The following VPS13C variants were observed in gnomAD, a reference collection of about 807,000 sequenced individuals.
VPS13C encodes intermembrane lipid transfer protein VPS13C.
Under a neutral mutation model 456.8 loss-of-function variants are expected in VPS13C, and 358 were observed. That is an observed-to-expected ratio of 0.78 (90% CI 0.72 to 0.86). The LOEUF (loss-of-function observed/expected upper bound fraction) is 0.86, where lower values mean the gene tolerates loss of function less well. Among genes scored for constraint, VPS13C ranks in the 40% least tolerant of loss-of-function variants. The probability of loss-of-function intolerance (pLI) is 0.00; values close to 1 mark genes in which losing one functional copy is unlikely to be tolerated. For missense variants in VPS13C, 4,818 were observed against 4,385.4 expected, an observed-to-expected ratio of 1.10 and a Z score of -2.79; for synonymous variants, 1,578 against 1,486.7, an observed-to-expected ratio of 1.06 and a Z score of -1.41.
intron 13 of VPS13C, 40 bp downstream of exon 13, chr15:62,010,432 C>T (rs201550111): frequency 3.3e-6 from 5 of 1,520,576 alleles, no homozygotes; most frequent in Middle Eastern, 3.5e-4. Context: ...AGTCAAGATT[C>T]AAGGCTAATC....
chr15:61,907,415 A>T (rs762520528), intron 65 of VPS13C, 25 bp from the exon 66 acceptor site: 2 of 1,610,834 alleles, frequency 1.2e-6, no homozygotes, highest in Admixed American at 3.4e-5. Context: ...ACAGAGAGAA[A>T]ATCAGAATAT....
intron 17 of VPS13C, among the ~76,000 whole-genome samples, chr15:61,991,343 A>T (rs34799195): frequency 6.6e-6 from 1 of 152,172 alleles, no homozygotes; most frequent in Non-Finnish European, 1.5e-5. Context: ...AGAATTCCCT[A>T]AGTATTTTAA....
chr15:61,949,452 C>A lies in VPS13C; in HGVS notation c.4750G>T (p.Val1584Phe), dbSNP rs762858260. Reference sequence around the variant, plus strand: ...ATTCAAAAATTATTACCAGCTTTGACAGCGATACTTCTGGACTCCCCCACA... The same window carrying A: ...ATTCAAAAATTATTACCAGCTTTGAAAGCGATACTTCTGGACTCCCCCACA... ...PLVGESRSIA[V>F]KAVSSNISQK... Residue 1584 changes from valine (V) to phenylalanine (F), a missense_variant, in exon 42 of 85, where the codon GTC becomes TTC. Transcript: ENST00000644861. 1 of 1,608,986 alleles carries A rather than the reference C, an allele frequency of 6.2e-7. No individual in the cohort carries two copies. The highest frequency in any genetic ancestry group is 1.3e-5 in the African/African-American group (1 of 74,528).
intron 66 of VPS13C, among the ~76,000 whole-genome samples, chr15:61,903,640 A>G (rs756438196): frequency 6.6e-6 from 1 of 152,326 alleles, no homozygotes; most frequent in South Asian, 2.1e-4. Flanking sequence ...TTATTCACAT[A>G]AACAGAGAAA....
chr15:62,010,785 G>T (rs79478904), intron 12 of VPS13C, among the ~76,000 whole-genome samples, 186 bp from the exon 13 acceptor site: 7 of 152,224 alleles, frequency 4.6e-5, no homozygotes. Flanking sequence ...TAATAAGCTC[G>T]ATGGTTAAAG....
chr15:61,895,993 T>G (rs2042798341), intron 66 of VPS13C, among the ~76,000 whole-genome samples: 1 of 152,152 alleles, frequency 6.6e-6, no homozygotes, highest in Non-Finnish European at 1.5e-5. Context: ...GATAAATATT[T>G]GAGATATGAA....
chr15:61,949,455 C>T lies in VPS13C; in HGVS notation c.4747G>A (p.Ala1583Thr), dbSNP rs112569341. ...CAAAAATTATTACCAGCTTTGACAG[C>T]GATACTTCTGGACTCCCCCACAAGT... Reference protein sequence around the residue: ...KPLVGESRSIAVKAVSSNISQ... With the variant: ...KPLVGESRSITVKAVSSNISQ... The change falls in exon 42 of 85, where the codon GCT becomes ACT. Residue 1583 changes from alanine to threonine, a missense_variant. Physicochemically the swap from Ala to Thr is moderately conservative, Grantham distance 58 (BLOSUM62 0). Coordinates refer to ENST00000644861, the MANE Select transcript of VPS13C (RefSeq NM_020821.3). 1.0e-4 allele frequency: 167 copies of T among 1,609,488 alleles called. No homozygotes were observed. The highest frequency in any genetic ancestry group is 1.5e-4 in the African/African-American group (11 of 74,618).
In VPS13C at chr15:61,894,207, C is replaced by T. The variant is rs548168485; in HGVS notation, c.9106-3807G>A. 8.6e-5 allele frequency among the ~76,000 whole-genome samples: 13 copies of T among 151,962 alleles called. No individual in the cohort carries two copies. In the South Asian group the frequency reaches 2.7e-3, roughly 32 times the overall value. On this transcript the variant is annotated intron_variant, in intron 66 of 84. Coordinates refer to ENST00000644861, the MANE Select transcript of VPS13C (RefSeq NM_020821.3). The stretch of plus-strand genomic sequence containing the variant: ...CCTGTAATCCCAGCTACTAGGGAGG[C>T]TGAGGCAGGGGAATTGCTTGAACCA...
chr15:61,983,429 A>G (rs573976587), intron 20 of VPS13C, among the ~76,000 whole-genome samples: 134 of 152,354 alleles, frequency 8.8e-4, no homozygotes, highest in African/African-American at 3.0e-3. Context: ...AATATTTAAA[A>G]TTATTTTAAT....
At chr15:62,016,267 A>T (rs1223668651) in intron 9 of VPS13C, among the ~76,000 whole-genome samples, 4 of 150,124 alleles carry the variant, frequency 2.7e-5, no homozygotes, top group East Asian at 2.0e-4. Flanking sequence ...ACTTTATTTT[A>T]TATATATATA....
intron 80 of VPS13C, 68 bp downstream of exon 80, chr15:61,869,432 T>C: frequency 6.5e-7 from 1 of 1,545,022 alleles, no homozygotes; most frequent in South Asian, 1.2e-5. Flanking sequence ...TAATCTAATC[T>C]ATTTATGTAT....
Position 61,858,356 on chromosome 15 carries a change from ATCTATCTG to A in VPS13C, c.10953-1955_10953-1948del, listed in dbSNP as rs1355227197. ...TATCTATCTATCTATCTATCTATCTATCTATCTGTCTATCTATCTCCCTCCCTCCCTAT... is the reference window on the plus strand; with the variant it reads ...TATCTATCTATCTATCTATCTATCTATCTATCTATCTCCCTCCCTCCCTAT... On this transcript the variant is annotated intron_variant, in intron 82 of 84. Transcript: ENST00000644861. The surrounding 1 kb of genome is among the most constrained non-coding windows in gnomAD (Gnocchi z 4.4). Among the ~76,000 whole-genome samples the A allele has an allele frequency of 1.2e-3, 140 of 116,004 alleles. No homozygotes were observed. The highest frequency in any genetic ancestry group is 8.1e-3 in the Admixed American group (76 of 9,388). The allele number at this position is 116,004 out of a possible 152,430, so 76.1% of individuals were successfully genotyped here.
chr15:61,984,050 G>A, intron 19 of VPS13C, 38 bp from the exon 20 acceptor site: 1 of 1,572,168 alleles, frequency 6.4e-7, no homozygotes, highest in Non-Finnish European at 8.6e-7. Flanking sequence ...ATGCAGACAA[G>A]GTCTTTTGTA....
At chr15:61,923,957 C>G (rs2043751976) in intron 53 of VPS13C, among the ~76,000 whole-genome samples, 1 of 144,856 alleles carries the variant, frequency 6.9e-6, no homozygotes. Context: ...GCTCCGCCTC[C>G]CGGGTTCACG....
At chr15:61,927,498 T>C in intron 51 of VPS13C, 178 bp from the exon 52 acceptor site, 3 of 587,138 alleles carry the variant, frequency 5.1e-6, no homozygotes, top group East Asian at 2.9e-5. Flanking sequence ...CAAATGCAGA[T>C]TGAGCAAGAT....
rs573769521 is a variant in VPS13C at position 62,005,500 on chromosome 15, G to A, written c.1290+1808C>T. Among the ~76,000 whole-genome samples, 32 of 151,966 alleles carry A rather than the reference G, an allele frequency of 2.1e-4. No homozygotes were observed. The East Asian group carries it at 3.5e-3, about 17-fold the overall frequency. On this transcript the variant is annotated intron_variant, in intron 15 of 84. Transcript: ENST00000644861. Reference sequence around the variant, plus strand: ...TGCCAGTCTGTGTCTTTTAATTGGAGCATTTAGTCCATTTACATTTAAAGT... The same window carrying A: ...TGCCAGTCTGTGTCTTTTAATTGGAACATTTAGTCCATTTACATTTAAAGT...
Position 61,927,101 on chromosome 15 carries a change from T to C in VPS13C, c.6506A>G (p.Asn2169Ser), listed in dbSNP as rs765551032. The change falls in exon 52 of 85, where the codon AAC (asparagine) becomes AGC (serine). Residue 2169 changes from asparagine to serine, a missense_variant. Physicochemically the swap from Asn to Ser is conservative, Grantham distance 46. Coordinates refer to ENST00000644861, the MANE Select transcript of VPS13C (RefSeq NM_020821.3). ...CPFLREKRGK[N>S]ITTVLQPCSL... ...CAAGGTAATTCTTACTGTGGTAATG[T>C]TTTTCCCTCTCTTTTCTCTGAGAAA... 1 of 1,613,960 alleles carries C rather than the reference T, an allele frequency of 6.2e-7. No homozygotes were observed. Among genetic ancestry groups the C allele is most frequent in the Non-Finnish European group, 8.5e-7 (1 of 1,179,850 alleles).
chr15:62,020,624 T>C, intron 8 of VPS13C, 86 bp from the exon 9 acceptor site: 2 of 1,364,576 alleles, frequency 1.5e-6, no homozygotes, highest in Non-Finnish European at 1.0e-6. Flanking sequence ...GAGGGAAATG[T>C]GTTTACAGGT....
intron 20 of VPS13C, among the ~76,000 whole-genome samples, chr15:61,983,437 A>C (rs71411473): frequency 0.011 from 1,730 of 152,338 alleles, 14 homozygotes; most frequent in Non-Finnish European, 0.019. Context: ...AAATTATTTT[A>C]ATCAGTCCTA....
Sources: gnomAD v4.1 joint callset for allele counts (sites outside exome capture counted in the v4.1 genomes callset) on GRCh38, gnomAD v4.1.1 for gene constraint, Gnocchi (gnomAD v3.1) non-coding constraint, MANE v1.5 for transcripts, NCBI Gene and HGNC (gene_info 2026-07-23, HGNC 2026-07-21) for gene names.